DOP1B: variants seen among roughly 807,000 people sequenced by gnomAD.
The protein encoded by DOP1B is DOP1 leucine zipper like protein B.
Under a neutral mutation model 233.5 loss-of-function variants are expected in DOP1B, and 174 were observed. The ratio of observed to expected loss-of-function variants is 0.75; its 90% CI spans 0.66 to 0.85. DOP1B has a LOEUF of 0.85. Among genes scored for constraint, DOP1B ranks in the 40% least tolerant of loss-of-function variants. The pLI, the probability that DOP1B is intolerant of heterozygous loss-of-function variation, is 0.00. For missense variants in DOP1B, 2,652 were observed against 2,846.6 expected (o/e 0.93, Z 1.56); for synonymous variants, 1,190 against 1,185.6 (o/e 1.00, Z -0.08).
At chr21:36,257,055 G>A (rs763727431) in intron 23 of DOP1B, among the ~76,000 whole-genome samples, 1 of 152,158 alleles carries the variant, frequency 6.6e-6, no homozygotes, top group Non-Finnish European at 1.5e-5. Flanking sequence ...GGATTCCCAC[G>A]AACCCCCTCT....
chr21:36,264,577 G>A (rs1282864491), intron 26 of DOP1B, among the ~76,000 whole-genome samples: 5 of 151,750 alleles, frequency 3.3e-5, no homozygotes, highest in South Asian at 2.1e-4. Flanking sequence ...GGGTTCAAGC[G>A]ATTCTTCTGC....
At chr21:36,160,415 G>A (rs1202115052) in intron 1 of DOP1B, among the ~76,000 whole-genome samples, 1 of 151,794 alleles carries the variant, frequency 6.6e-6, no homozygotes, top group Non-Finnish European at 1.5e-5. Flanking sequence ...GGAGGGTGCA[G>A]TGACAAGTGG....
chr21:36,186,981 C>T (rs1265029968), intron 2 of DOP1B, among the ~76,000 whole-genome samples: 3 of 152,022 alleles, frequency 2.0e-5, no homozygotes, highest in Non-Finnish European at 2.9e-5. Context: ...GGAGCTCGAC[C>T]GGCGGCCAGC....
At chr21:36,232,736 C>G (rs1298018855) in intron 14 of DOP1B, 68 bp from the exon 15 acceptor site, 11 of 1,593,924 alleles carry the variant, frequency 6.9e-6, no homozygotes, top group East Asian at 2.2e-5. Context: ...GCTGTAGAAT[C>G]TGCAGACTGG....
At chr21:36,199,028 G>T (rs762226043) in intron 2 of DOP1B, 42 bp from the exon 3 acceptor site, 2 of 1,587,330 alleles carry the variant, frequency 1.3e-6, no homozygotes, top group East Asian at 4.5e-5. Context: ...TGTAAATATC[G>T]CTGCCTTCTT....
Position 36,225,608 on chromosome 21 carries a change from C to T in DOP1B, c.1414C>T (p.Pro472Ser). 1 of 1,614,070 alleles carries T rather than the reference C, an allele frequency of 6.2e-7. No homozygotes were observed. Among genetic ancestry groups the T allele is most frequent in the Non-Finnish European group, 8.5e-7 (1 of 1,179,982 alleles). Residue 472 changes from proline to serine, a missense_variant, in exon 12 of 37, where the codon CCC becomes TCC. Transcript: ENST00000691173. ...RYSVRNSVSP[P>S]PTVSELCALL... is the part of the protein sequence containing the mutation. ...CAGCGTGAGGAACAGCGTCAGCCCTCCCCCCACGGTCTCGGAGCTCTGCGC... is the reference window on the plus strand; with the variant it reads ...CAGCGTGAGGAACAGCGTCAGCCCTTCCCCCACGGTCTCGGAGCTCTGCGC...
At chr21:36,230,357 A>G in intron 13 of DOP1B, 93 bp from the exon 14 acceptor site, 3 of 1,426,480 alleles carry the variant, frequency 2.1e-6, no homozygotes, top group Non-Finnish European at 2.8e-6. Context: ...ATGATTTTGA[A>G]AAACAGAATT....
At chr21:36,263,855 AGCAGTGCTGTCCTCCTTT>A in intron 26 of DOP1B, 41 bp downstream of exon 26, 1 of 1,579,702 alleles carries the variant, frequency 6.3e-7, no homozygotes, top group South Asian at 1.1e-5. Context: ...ATATTACCCC[AGCAGTGCTGTCCTCCTTT>A]GGGGGATATC....
At chr21:36,185,242 A>T (rs1225047712) in intron 2 of DOP1B, among the ~76,000 whole-genome samples, 1 of 152,188 alleles carries the variant, frequency 6.6e-6, no homozygotes. Flanking sequence ...TGATAAATGC[A>T]TAAGAATGGC....
intron 4 of DOP1B, among the ~76,000 whole-genome samples, chr21:36,205,946 G>A (rs1485981702): frequency 6.6e-6 from 1 of 152,092 alleles, no homozygotes; most frequent in Non-Finnish European, 1.5e-5. Flanking sequence ...GGAGGCAGAG[G>A]TTGCAGTGAG....
intron 33 of DOP1B, 72 bp downstream of exon 33, chr21:36,288,222 A>G (rs1306198024): frequency 7.0e-7 from 1 of 1,428,668 alleles, no homozygotes; most frequent in East Asian, 2.3e-5. Context: ...AACATAACGT[A>G]CTATTTCCTA....
In DOP1B at chr21:36,245,328, C is replaced by G; in HGVS notation, c.3348C>G (p.Ser1116Arg). 6.2e-7 allele frequency: 1 copy of G among 1,614,134 alleles called. No individual in the cohort carries two copies. The highest frequency in any genetic ancestry group is 8.5e-7 in the Non-Finnish European group (1 of 1,180,046). ...SSEHTESADTSSCHTDSENTS... is the reference protein window; with the variant it reads ...SSEHTESADTRSCHTDSENTS... ...AGCACACCGAGTCTGCAGATACAAG[C>G]TCCTGCCACACGGACAGCGAGAACA... Residue 1116 changes from serine (S) to arginine (R), a missense_variant, in exon 19 of 37, where the codon AGC (serine) becomes AGG (arginine). Ser to Arg is a moderately radical substitution (Grantham distance 110, BLOSUM62 -1). Around this residue, in one of 3 missense-constraint regions of DOP1B, gnomAD observed 2,617 missense variants for 2,794.3 expected, o/e 0.94. Coordinates refer to ENST00000691173, the MANE Select transcript of DOP1B (RefSeq NM_001320714.2). The surrounding 1 kb of genome is among the most constrained non-coding windows in gnomAD (Gnocchi z 5.5).
At chr21:36,157,115 G>T (rs919261117) in intron 1 of DOP1B, among the ~76,000 whole-genome samples, 172 bp downstream of exon 1, 24 of 152,106 alleles carry the variant, frequency 1.6e-4, no homozygotes, top group African/African-American at 5.8e-4. Context: ...CGCGGCCCGG[G>T]CCTGCGGCGC....
At chr21:36,216,752 A>G (rs2850080) in intron 9 of DOP1B, among the ~76,000 whole-genome samples, 122,076 of 152,120 alleles carry the variant, frequency 0.8, 48,982 homozygotes, top group South Asian at 0.86. Context: ...AGGTGTACCT[A>G]CCTCCTGGTA....
At chr21:36,185,067 G>T (rs1463069256) in intron 2 of DOP1B, among the ~76,000 whole-genome samples, 1 of 152,156 alleles carries the variant, frequency 6.6e-6, no homozygotes, top group African/African-American at 2.4e-5. Context: ...TTCTGTCTCT[G>T]ACTTTAACAA....
intron 16 of DOP1B, 60 bp from the exon 17 acceptor site, chr21:36,238,541 C>G (rs1222840416): frequency 7.1e-7 from 1 of 1,417,818 alleles, no homozygotes; most frequent in Non-Finnish European, 1.0e-6. Context: ...TTTATGGTGA[C>G]TGAAGACAGT....
At chr21:36,262,896 AC>A (rs201470512) in intron 24 of DOP1B, among the ~76,000 whole-genome samples, 3 of 140,824 alleles carry the variant, frequency 2.1e-5, no homozygotes, top group African/African-American at 5.1e-5. Context: ...ATCTTAAAAA[AC>A]AATAATAAAA....
chr21:36,237,500 G>C (rs548418935), intron 16 of DOP1B, 86 bp downstream of exon 16: 2 of 1,542,496 alleles, frequency 1.3e-6, no homozygotes, highest in Non-Finnish European at 1.8e-6. Context: ...CCATTCGGTC[G>C]AAGTCTTTCT....
chr21:36,169,464 GCTTC>G, intron 2 of DOP1B: 1 of 1,092,104 alleles, frequency 9.2e-7, no homozygotes, highest in Non-Finnish European at 1.4e-6. Context: ...TTGTGGGGCA[GCTTC>G]TTGGTGTGCC....
Sources: gnomAD v4.1 joint callset for allele counts (sites outside exome capture counted in the v4.1 genomes callset) on GRCh38, gnomAD v4.1.1 for gene constraint, gnomAD v4.1.1 regional missense constraint, Gnocchi (gnomAD v3.1) non-coding constraint, MANE v1.5 for transcripts, NCBI Gene and HGNC (gene_info 2026-07-23, HGNC 2026-07-21) for gene names.